The following JOSD1 variants were observed in gnomAD, a reference collection of about 807,000 sequenced individuals.
JOSD1 encodes the protein Josephin domain containing 1.
Under a neutral mutation model 24.3 loss-of-function variants are expected in JOSD1, and 11 were observed. The ratio of observed to expected loss-of-function variants is 0.45; its 90% CI spans 0.29 to 0.75. The LOEUF (loss-of-function observed/expected upper bound fraction) is 0.75, where lower values mean the gene tolerates loss of function less well. Among genes scored for constraint, JOSD1 ranks in the 30% least tolerant of loss-of-function variants. JOSD1 has a pLI of 0.11. For synonymous variants in JOSD1, 106 were observed against 93.8 expected (o/e 1.13, Z -0.75); for missense variants, 184 against 253.5 (o/e 0.73, Z 1.86).
chr22:38,696,957 C>T (rs541677670), intron 2 of JOSD1, among the ~76,000 whole-genome samples: 4 of 152,344 alleles, frequency 2.6e-5, no homozygotes, highest in African/African-American at 9.6e-5. Context: ...TCACTAGCCA[C>T]ACTTTTAAAC....
intron 2 of JOSD1, among the ~76,000 whole-genome samples, chr22:38,698,042 T>C (rs1027842830): frequency 3.3e-5 from 5 of 152,240 alleles, no homozygotes; most frequent in Admixed American, 2.6e-4. Context: ...TTCATACATA[T>C]CACAAAGTAC....
rs187345881 is a variant in JOSD1 at position 38,687,830 on chromosome 22, C to A, written c.*72G>T. The A allele has an allele frequency of 7.9e-6, 8 of 1,017,562 alleles. No homozygotes were observed. The highest frequency in any genetic ancestry group is 7.2e-5 in the Admixed American group (4 of 55,496). 63.0% of individuals were successfully genotyped at this position (1,017,562 alleles called of 1,614,324 possible). On this transcript the variant is annotated 3_prime_UTR_variant, in exon 5 of 5. Coordinates refer to ENST00000683374, the MANE Select transcript of JOSD1 (RefSeq NM_001360236.2). Reference sequence around the variant, plus strand: ...TGTTTGGGGAAGTGGCAAGGGCAGACCCACTGTAGAGGCCACAGCACGTCA... The same window carrying A: ...TGTTTGGGGAAGTGGCAAGGGCAGAACCACTGTAGAGGCCACAGCACGTCA...
chr22:38,696,566 T>C (rs760915438), intron 2 of JOSD1, among the ~76,000 whole-genome samples: 56 of 152,164 alleles, frequency 3.7e-4, no homozygotes, highest in Non-Finnish European at 6.8e-4. Context: ...AATGATGAGA[T>C]CTAATATCTA....
chr22:38,691,526 T>C (rs988263908), intron 2 of JOSD1, among the ~76,000 whole-genome samples: 4 of 152,216 alleles, frequency 2.6e-5, no homozygotes, highest in African/African-American at 4.8e-5. Flanking sequence ...TACCTTTTAT[T>C]ACACTGACCT....
At chr22:38,698,332 A>G (rs1193595551) in intron 2 of JOSD1, among the ~76,000 whole-genome samples, 1 of 152,156 alleles carries the variant, frequency 6.6e-6, no homozygotes, top group African/African-American at 2.4e-5. Flanking sequence ...TCTGGTTACT[A>G]CTGGCATTGG....
intron 2 of JOSD1, among the ~76,000 whole-genome samples, chr22:38,699,257 G>A (rs571192921): frequency 3.3e-5 from 5 of 152,216 alleles, no homozygotes; most frequent in Non-Finnish European, 7.3e-5. Context: ...ACAAAGCAAT[G>A]TACGAACAGC....
intron 2 of JOSD1, among the ~76,000 whole-genome samples, chr22:38,694,865 A>C (rs1221296845): frequency 8.2e-5 from 5 of 60,994 alleles, no homozygotes; most frequent in African/African-American, 3.7e-4. Flanking sequence ...CTCAGTCTCA[A>C]AAAAAAAAAA....
At chr22:38,688,361 C>T (rs12160003) in intron 4 of JOSD1, among the ~76,000 whole-genome samples, 4,006 of 152,262 alleles carry the variant, frequency 0.026, 178 homozygotes, top group African/African-American at 0.092. Flanking sequence ...CTCCCAGGTT[C>T]AAGTGATTCT....
At position 38,686,861 on chromosome 22, in the gene JOSD1, T is replaced by G. The variant is rs2092500140; in HGVS notation, c.*1041A>C. ...GTGAGTGAACTGGGAAAACTGCTCT[T>G]TGGCTTCTCTTTTGTCCCAGAGCCT... On this transcript the variant is annotated 3_prime_UTR_variant, in exon 5 of 5. Coordinates refer to ENST00000683374, the MANE Select transcript of JOSD1 (RefSeq NM_001360236.2). 1 of 152,184 alleles carries G rather than the reference T, an allele frequency of 6.6e-6. No homozygotes were observed. Among genetic ancestry groups the G allele is most frequent in the African/African-American group, 2.4e-5 (1 of 41,438 alleles). 9.4% of individuals were successfully genotyped at this position (152,184 alleles called of 1,614,324 possible).
rs2092504401 is a variant in JOSD1 at position 38,687,813 on chromosome 22, G to C, written c.*89C>G. ...GGAAAAACTTGATGAGATGTTTGGGGAAGTGGCAAGGGCAGACCCACTGTA... is the reference window on the plus strand; with the variant it reads ...GGAAAAACTTGATGAGATGTTTGGGCAAGTGGCAAGGGCAGACCCACTGTA... On this transcript the variant is annotated 3_prime_UTR_variant, in exon 5 of 5. Coordinates refer to ENST00000683374, the MANE Select transcript of JOSD1 (RefSeq NM_001360236.2). 3.5e-5 allele frequency: 29 copies of C among 820,150 alleles called. No individual in the cohort carries two copies. The South Asian group carries it at 4.2e-4, about 12-fold the overall frequency. The allele number at this position is 820,150 out of a possible 1,614,324, so 50.8% of individuals were successfully genotyped here.
intron 2 of JOSD1, among the ~76,000 whole-genome samples, chr22:38,692,552 G>A (rs1412443989): frequency 2.0e-5 from 3 of 152,098 alleles, no homozygotes; most frequent in African/African-American, 7.2e-5. Flanking sequence ...GCCGAGGTGG[G>A]AGGATCACTT....
chr22:38,700,492 C>T lies in JOSD1; in HGVS notation c.-505G>A, dbSNP rs2092563905. 2.0e-6 allele frequency: 2 copies of T among 986,116 alleles called. No individual in the cohort carries two copies. The highest frequency in any genetic ancestry group is 4.7e-5 in the South Asian group (1 of 21,440). The allele number at this position is 986,116 out of a possible 1,614,324, so 61.1% of individuals were successfully genotyped here. A position where few individuals can be genotyped will look rare whatever the true frequency, so the allele number is the denominator to read the frequency against. ...GCACGAGTCGAGTAGCTAGCGCGGG[C>T]CGGCAGGCGTGGGACCGCGAGCCGC... On this transcript the variant is annotated 5_prime_UTR_variant, in exon 2 of 5. Transcript: ENST00000683374.
chr22:38,699,756 A>C (rs760639259), intron 2 of JOSD1, 47 bp downstream of exon 2: 3 of 1,580,920 alleles, frequency 1.9e-6, no homozygotes, highest in Non-Finnish European at 2.6e-6. Context: ...CACCCACAGA[A>C]ATCCAGAAAT....
upstream of JOSD1, chr22:38,701,012 G>A (rs1459846199): frequency 5.1e-6 from 5 of 976,750 alleles, no homozygotes; most frequent in African/African-American, 5.3e-5. Context: ...CTCCGGAAAC[G>A]CCCTCCCGCG....
chr22:38,696,525 C>G lies in JOSD1; in HGVS notation c.185+3278G>C, dbSNP rs531908226. On this transcript the variant is annotated intron_variant, in intron 2 of 4. Transcript: ENST00000683374. Reference sequence around the variant, plus strand: ...AGAGTGCTGGGATTACATGCGTGAGCCACCGTGCCTGGCCCACATTCTTTA... The same window carrying G: ...AGAGTGCTGGGATTACATGCGTGAGGCACCGTGCCTGGCCCACATTCTTTA... 3.9e-3 allele frequency among the ~76,000 whole-genome samples: 601 copies of G among 152,294 alleles called. 5 individuals are homozygous for G. Among genetic ancestry groups the G allele is most frequent in the African/African-American group, 0.014 (570 of 41,550 alleles).
chr22:38,700,618 C>T lies in JOSD1; in HGVS notation c.-631G>A. 18 of 985,162 alleles carry T rather than the reference C, an allele frequency of 1.8e-5. No individual in the cohort carries two copies. Among genetic ancestry groups the T allele is most frequent in the Non-Finnish European group, 2.2e-5 (18 of 829,718 alleles). 61.0% of individuals were successfully genotyped at this position (985,162 alleles called of 1,614,324 possible). On this transcript the variant is annotated splice_region_variant and 5_prime_UTR_variant, in exon 2 of 5. Coordinates refer to ENST00000683374, the MANE Select transcript of JOSD1 (RefSeq NM_001360236.2). ...CGGATTCTAGCCCTCTGGCCGCGGC[C>T]CTGCGGAGGAGGAGACAACTCCGGT...
Position 38,689,313 on chromosome 22 carries a change from A to G in JOSD1, c.297T>C (p.Val99=). The G allele has an allele frequency of 6.2e-7, 1 of 1,614,204 alleles. No individual in the cohort carries two copies. Among genetic ancestry groups the G allele is most frequent in the Non-Finnish European group, 8.5e-7 (1 of 1,180,030 alleles). ...CAGATTACCTGCGCTTGTCCCACCA[A>G]ACAGCTTCATAGCCTTTGGTCTGAA... ...AALQTKGYEA[V]WWDKRRDVGV... The change falls in exon 3 of 5, where the codon GTT becomes GTC. Residue 99 remains valine (V), a synonymous_variant. Transcript: ENST00000683374.
rs1052886590 is a variant in JOSD1, at chr22:38,686,269, C to G, written c.*1633G>C. On this transcript the variant is annotated 3_prime_UTR_variant, in exon 5 of 5. Transcript: ENST00000683374. The stretch of plus-strand genomic sequence containing the variant: ...TGAAGATACATGTGCAGAAAAAGTG[C>G]TGGTGTCAACATGCACTCCAGTCAC... The G allele has an allele frequency of 6.6e-6, 1 of 152,524 alleles. No homozygotes were observed. The highest frequency in any genetic ancestry group is 1.5e-5 in the Non-Finnish European group (1 of 68,036). The allele number at this position is 152,524 out of a possible 1,614,324, so 9.4% of individuals were successfully genotyped here. A position where few individuals can be genotyped will look rare whatever the true frequency, so the allele number is the denominator to read the frequency against.
At chr22:38,691,222 G>A (rs753241874) in intron 2 of JOSD1, among the ~76,000 whole-genome samples, 36 of 151,644 alleles carry the variant, frequency 2.4e-4, no homozygotes, top group Non-Finnish European at 3.8e-4. Flanking sequence ...AAAATTAGGC[G>A]GGCATGGTGG....
Sources: gnomAD v4.1 joint callset for allele counts (sites outside exome capture counted in the v4.1 genomes callset) on GRCh38, gnomAD v4.1.1 for gene constraint, MANE v1.5 for transcripts, NCBI Gene and HGNC (gene_info 2026-07-23, HGNC 2026-07-21) for gene names.